The following TFDP2 variants were observed in gnomAD, a reference collection of about 807,000 sequenced individuals.
The protein encoded by TFDP2 is transcription factor Dp-2, also known as transcription factor Dp-2 (E2F dimerization partner 2).
Under a neutral mutation model 59.3 loss-of-function variants are expected in TFDP2, and 17 were observed. The ratio of observed to expected loss-of-function variants is 0.29; its 90% confidence interval spans 0.20 to 0.43. The LOEUF is 0.43. TFDP2 is among the 20% of genes least tolerant of loss of function. The pLI is 1.00. For missense variants in TFDP2, 391 were observed against 528.8 expected, an observed-to-expected ratio of 0.74 and a Z score of 2.56; for synonymous variants, 180 against 194.7, an observed-to-expected ratio of 0.92 and a Z score of 0.63.
intron 1 of TFDP2, among the ~76,000 whole-genome samples, chr3:142,132,799 T>TAA (rs576724260): frequency 3.6e-5 from 5 of 137,998 alleles, no homozygotes; most frequent in South Asian, 2.2e-4. Flanking sequence ...AATAAAGCTT[T>TAA]AAAAAAAAAA....
intron 1 of TFDP2, among the ~76,000 whole-genome samples, chr3:142,147,027 C>T (rs551577873): frequency 7.8e-6 from 1 of 127,946 alleles, no homozygotes; most frequent in East Asian, 2.2e-4. Context: ...GAGTTCCAGA[C>T]AAGCCTGAGC....
At chr3:142,074,707 C>T (rs2060381225) in intron 3 of TFDP2, among the ~76,000 whole-genome samples, 2 of 152,074 alleles carry the variant, frequency 1.3e-5, no homozygotes, top group Admixed American at 1.3e-4. Flanking sequence ...CAAAAATTAG[C>T]CAGGCATGGT....
intron 3 of TFDP2, among the ~76,000 whole-genome samples, chr3:142,036,354 C>T (rs1946693401): frequency 6.6e-6 from 1 of 152,166 alleles, no homozygotes; most frequent in African/African-American, 2.4e-5. Flanking sequence ...TCCTCCAAAA[C>T]CCATAGAAAA....
chr3:141,991,799 T>G (rs996951560), intron 6 of TFDP2, among the ~76,000 whole-genome samples: 1 of 151,568 alleles, frequency 6.6e-6, no homozygotes, highest in Non-Finnish European at 1.5e-5. Flanking sequence ...TCCCAGCAAT[T>G]TGGGAGGCCA....
Position 141,959,947 on chromosome 3 carries a change from G to A in TFDP2, c.885-107C>T, listed in dbSNP as rs546494241. The A allele has an allele frequency of 2.3e-5, 26 of 1,108,966 alleles. No homozygotes were observed. The East Asian group carries it at 3.0e-4, about 13-fold the overall frequency. The allele number at this position is 1,108,966 out of a possible 1,614,324, so 68.7% of individuals were successfully genotyped here. A position where few individuals can be genotyped will look rare whatever the true frequency, so the allele number is the denominator to read the frequency against. Reference sequence around the variant, plus strand: ...GAATGGGGGCCTAAATCCAGCTATAGTGCTAGAAATTGCTACCATTTAGAG... The same window carrying A: ...GAATGGGGGCCTAAATCCAGCTATAATGCTAGAAATTGCTACCATTTAGAG... On this transcript the variant is annotated intron_variant, in intron 10 of 12. Coordinates refer to ENST00000489671, the MANE Select transcript of TFDP2 (RefSeq NM_001178139.2).
chr3:142,068,341 A>T (rs2108536976), intron 3 of TFDP2, among the ~76,000 whole-genome samples: 1 of 152,318 alleles, frequency 6.6e-6, no homozygotes, highest in African/African-American at 2.4e-5. Flanking sequence ...ACAATAAAAA[A>T]GAAAATCTAT....
Position 142,131,688 on chromosome 3 carries a change from G to A in TFDP2, c.-93+17495C>T, listed in dbSNP as rs577110256. Among the ~76,000 whole-genome samples the A allele has an allele frequency of 6.0e-5, 9 of 150,190 alleles. 1 individual carries two copies. The highest frequency in any genetic ancestry group is 1.8e-4 in the African/African-American group (7 of 39,776). On this transcript the variant is annotated intron_variant, in intron 1 of 12. Coordinates refer to ENST00000489671, the MANE Select transcript of TFDP2 (RefSeq NM_001178139.2). ...TAGTAATAAATGTAGTAAGAAATGC[G>A]TAACGCCTATCAGAAAGAATTAAAA...
intron 3 of TFDP2, among the ~76,000 whole-genome samples, chr3:142,030,781 C>G (rs1334376142): frequency 3.2e-5 from 4 of 126,894 alleles, no homozygotes; most frequent in Non-Finnish European, 6.2e-5. Flanking sequence ...CTCGCTCTGT[C>G]GCCCAGGCTG....
In TFDP2 at chr3:141,969,812, T is replaced by G. The variant is rs11569253; in HGVS notation, c.732+261A>C. 1.7e-3 allele frequency among the ~76,000 whole-genome samples: 252 copies of G among 152,292 alleles called. 2 individuals carry two copies. Among genetic ancestry groups the G allele is most frequent in the African/African-American group, 5.8e-3 (239 of 41,562 alleles). On this transcript the variant is annotated intron_variant, in intron 9 of 12. Transcript: ENST00000489671. ...CTGACAGTTTATGTTTAGAGAGGCCTGAGTGTCAACAGTGAACTGCTGCCT... is the reference window on the plus strand; with the variant it reads ...CTGACAGTTTATGTTTAGAGAGGCCGGAGTGTCAACAGTGAACTGCTGCCT...
chr3:142,121,294 C>G lies in TFDP2; in HGVS notation c.-92-19453G>C, dbSNP rs952395856. On this transcript the variant is annotated intron_variant, in intron 1 of 12. Transcript: ENST00000489671. The surrounding 1 kb of genome is among the most constrained non-coding windows in gnomAD (Gnocchi z 4.3). ...CTACCCAAGAGACATAACGGAGTCC[C>G]ACCCTTCAAGAAGTTCACAAACAAA... 1.3e-5 allele frequency among the ~76,000 whole-genome samples: 2 copies of G among 152,120 alleles called. No individual in the cohort carries two copies. The highest frequency in any genetic ancestry group is 4.8e-5 in the African/African-American group (2 of 41,432).
chr3:142,131,363 A>C (rs904621863), intron 1 of TFDP2, among the ~76,000 whole-genome samples: 1 of 150,222 alleles, frequency 6.7e-6, no homozygotes, highest in African/African-American at 2.5e-5. Context: ...ACAATCATAC[A>C]AGACAATTTT....
At chr3:142,000,958 A>G (rs566286765) in intron 4 of TFDP2, among the ~76,000 whole-genome samples, 101 of 152,264 alleles carry the variant, frequency 6.6e-4, no homozygotes, top group African/African-American at 2.3e-3. Context: ...GGGGCAGCCC[A>G]TGCTGCAGTT....
At chr3:141,984,228 G>T (rs183308283) in intron 6 of TFDP2, among the ~76,000 whole-genome samples, 1 of 152,220 alleles carries the variant, frequency 6.6e-6, no homozygotes, top group Non-Finnish European at 1.5e-5. Context: ...TGGGTTGGGT[G>T]TGGTGGCTCA....
intron 3 of TFDP2, among the ~76,000 whole-genome samples, chr3:142,062,317 G>A (rs1235198174): frequency 2.0e-5 from 3 of 151,212 alleles, no homozygotes; most frequent in African/African-American, 7.3e-5. Flanking sequence ...ATTTTTGACT[G>A]CACAGGGAGG....
chr3:142,075,646 A>G (rs1434287422), intron 3 of TFDP2, among the ~76,000 whole-genome samples: 1 of 151,314 alleles, frequency 6.6e-6, no homozygotes, highest in African/African-American at 2.4e-5. Context: ...CTGTAATCCC[A>G]ATACTTTGGG....
intron 3 of TFDP2, among the ~76,000 whole-genome samples, chr3:142,083,252 C>A (rs766738716): frequency 6.6e-6 from 1 of 151,998 alleles, no homozygotes; most frequent in Non-Finnish European, 1.5e-5. Context: ...AAAGTAATCC[C>A]ATTTATAGTA....
chr3:141,995,199 C>A (rs1017682533), intron 4 of TFDP2, 58 bp from the exon 5 acceptor site: 18 of 1,380,252 alleles, frequency 1.3e-5, no homozygotes, highest in Admixed American at 2.4e-5. Flanking sequence ...AGCCTACAGG[C>A]AGAAAATAAC....
chr3:142,096,143 A>G (rs1033390589), intron 2 of TFDP2, among the ~76,000 whole-genome samples: 1 of 152,212 alleles, frequency 6.6e-6, no homozygotes, highest in Non-Finnish European at 1.5e-5. Context: ...TTGTACTCCA[A>G]AAAGATAAAA....
intron 8 of TFDP2, among the ~76,000 whole-genome samples, chr3:141,973,124 T>TATATATATATATATATATATATATA (rs1553761667): frequency 1.8e-5 from 1 of 55,342 alleles, no homozygotes; most frequent in African/African-American, 7.1e-5. Flanking sequence ...TATATATATA[T>TATATATATATATATATATATATATA]TTTTTTTTTT....
Sources: gnomAD v4.1 joint callset for allele counts (sites outside exome capture counted in the v4.1 genomes callset) on GRCh38, gnomAD v4.1.1 for gene constraint, Gnocchi (gnomAD v3.1) non-coding constraint, MANE v1.5 for transcripts, NCBI Gene and HGNC (gene_info 2026-07-23, HGNC 2026-07-21) for gene names.